Variants in KDM3A observed in about 807,000 individuals in gnomAD.
KDM3A encodes the protein lysine demethylase 3A.
In KDM3A, 60 loss-of-function variants were observed where a neutral mutation model predicts 158.0. The ratio of observed to expected loss-of-function variants is 0.38; its 90% confidence interval spans 0.31 to 0.47. The LOEUF (loss-of-function observed/expected upper bound fraction) is 0.47, where lower values mean the gene tolerates loss of function less well. Ranked by LOEUF, KDM3A falls within the 20% of genes least tolerant of loss-of-function variation. The probability of loss-of-function intolerance (pLI) is 0.99; values close to 1 mark genes in which losing one functional copy is unlikely to be tolerated. For missense variants in KDM3A, 1,319 were observed against 1,574.3 expected, an observed-to-expected ratio of 0.84 and a Z score of 2.74; for synonymous variants, 608 against 549.3, an observed-to-expected ratio of 1.11 and a Z score of -1.49.
intron 6 of KDM3A, 26 bp from the exon 7 acceptor site, chr2:86,456,779 G>A (rs755285937): frequency 3.8e-6 from 6 of 1,568,590 alleles, no homozygotes; most frequent in Admixed American, 1.7e-5. Flanking sequence ...TTATTTTCCG[G>A]TATCTTTGTT....
chr2:86,478,061 T>C, intron 13 of KDM3A, 32 bp downstream of exon 13: 1 of 1,613,644 alleles, frequency 6.2e-7, no homozygotes, highest in African/African-American at 1.3e-5. Flanking sequence ...CTCCAGCCCC[T>C]CTACACAGTT....
In KDM3A at chr2:86,457,036, AC is replaced by A; in HGVS notation, c.811del (p.Leu271TrpfsTer80). The A allele has an allele frequency of 6.3e-7, 1 of 1,594,476 alleles. No individual in the cohort carries two copies. Among genetic ancestry groups the A allele is most frequent in the Non-Finnish European group, 8.6e-7 (1 of 1,167,826 alleles). On this transcript the variant is annotated frameshift_variant, in exon 8 of 26. Transcript: ENST00000312912. LOFTEE classifies it high-confidence loss of function. Reference sequence around the variant, plus strand: ...ACGCAAGTCTTCTGAGAATAATGGAACCCTGGTTTCCAAACAAGCAAAATCT... The same window carrying A: ...ACGCAAGTCTTCTGAGAATAATGGAACCTGGTTTCCAAACAAGCAAAATCT... Reference protein sequence around the residue: ...VKRKSSENNGTLVSKQAKSCS... With the variant: ...VKRKSSENNGXLVSKQAKSCS...
Position 86,492,154 on chromosome 2 carries a change from T to A in KDM3A, c.*35T>A, listed in dbSNP as rs1452541703. ...ACATTGGAAATGAATTACAGGCAGC[T>A]GTTCAAACTCTTCAGGCAGGATTCC... On this transcript the variant is annotated 3_prime_UTR_variant, in exon 26 of 26. Transcript: ENST00000312912. 1.4e-6 allele frequency: 2 copies of A among 1,478,622 alleles called. No homozygotes were observed. The allele number at this position is 1,478,622 out of a possible 1,614,324, so 91.6% of individuals were successfully genotyped here. A position where few individuals can be genotyped will look rare whatever the true frequency, so the allele number is the denominator to read the frequency against.
chr2:86,450,779 T>C (rs766131522), intron 3 of KDM3A, among the ~76,000 whole-genome samples: 1 of 152,128 alleles, frequency 6.6e-6, no homozygotes, highest in Non-Finnish European at 1.5e-5. Context: ...TCCAGCTGTT[T>C]AGAACTGGTT....
intron 20 of KDM3A, 136 bp from the exon 21 acceptor site, chr2:86,485,593 A>T: frequency 1.0e-6 from 1 of 991,814 alleles, no homozygotes; most frequent in Non-Finnish European, 1.5e-6. Flanking sequence ...TTCTCATCTT[A>T]AATATTTGAT....
chr2:86,445,596 TAGC>T (rs1012289474), intron 2 of KDM3A, among the ~76,000 whole-genome samples: 6 of 152,320 alleles, frequency 3.9e-5, no homozygotes, highest in Admixed American at 2.0e-4. Context: ...CAGGTGTCCT[TAGC>T]AGGCAATTAG....
Position 86,482,713 on chromosome 2 carries a change from C to A in KDM3A, c.2922+19C>A. The A allele has an allele frequency of 6.2e-7, 1 of 1,611,168 alleles. No individual in the cohort carries two copies. The highest frequency in any genetic ancestry group is 1.3e-5 in the African/African-American group (1 of 75,028). On this transcript the variant is annotated intron_variant, in intron 18 of 25. Coordinates refer to ENST00000312912, the MANE Select transcript of KDM3A (RefSeq NM_018433.6). ...AGGGCAGGTAATGTAGGCCTCCCAT[C>A]CTCCTGCCCTATTCAGAACCCCCTT...
At chr2:86,455,953 C>CAAAA (rs574299612) in intron 5 of KDM3A, among the ~76,000 whole-genome samples, 7 of 56,128 alleles carry the variant, frequency 1.2e-4, no homozygotes, top group East Asian at 4.9e-4. Context: ...GACCCTGTCT[C>CAAAA]AAAAAAAAAA....
At chr2:86,445,560 C>G (rs145289111) in intron 2 of KDM3A, among the ~76,000 whole-genome samples, 1 of 152,088 alleles carries the variant, frequency 6.6e-6, no homozygotes, top group Non-Finnish European at 1.5e-5. Flanking sequence ...CTGTTTCTTG[C>G]GTCTAATGCC....
At chr2:86,490,654 C>T in intron 23 of KDM3A, 2 of 449,458 alleles carry the variant, frequency 4.4e-6, no homozygotes, top group Non-Finnish European at 7.9e-6. Context: ...TTATGCAGAG[C>T]CTGTCAGTCA....
chr2:86,441,099 T>TAGGCCTATGGC (rs1373622489), upstream of KDM3A: 1 of 152,196 alleles, frequency 6.6e-6, no homozygotes, highest in East Asian at 1.9e-4. Flanking sequence ...ATGGAAAGAA[T>TAGGCCTATGGC]AGGCCTATGG....
intron 8 of KDM3A, among the ~76,000 whole-genome samples, chr2:86,458,837 G>A (rs1427464118): frequency 6.6e-6 from 1 of 152,162 alleles, no homozygotes; most frequent in African/African-American, 2.4e-5. Context: ...GGGGTTTTAA[G>A]TTCAGGAGAT....
chr2:86,441,903 C>A, intron 1 of KDM3A, 115 bp from the exon 2 acceptor site: 1 of 764,458 alleles, frequency 1.3e-6, no homozygotes, highest in Non-Finnish European at 2.0e-6. Context: ...TGCGGGTCCG[C>A]CCGGGGCCGC....
rs1672373984 is a variant in KDM3A at position 86,449,976 on chromosome 2, G to A, written c.342+14G>A. 6 of 1,602,600 alleles carry A rather than the reference G, an allele frequency of 3.7e-6. No homozygotes were observed. Among genetic ancestry groups the A allele is most frequent in the Middle Eastern group, 1.7e-4 (1 of 6,016 alleles). On this transcript the variant is annotated intron_variant, in intron 3 of 25. Coordinates refer to ENST00000312912, the MANE Select transcript of KDM3A (RefSeq NM_018433.6). Reference sequence around the variant, plus strand: ...TGGCCTGCAATAGTGAGTAAAACTTGGGCTTATTGAACTCCTGAGAAGAGG... The same window carrying A: ...TGGCCTGCAATAGTGAGTAAAACTTAGGCTTATTGAACTCCTGAGAAGAGG...
chr2:86,453,607 G>A (rs1330254505), intron 4 of KDM3A, among the ~76,000 whole-genome samples: 2 of 152,082 alleles, frequency 1.3e-5, no homozygotes, highest in East Asian at 3.9e-4. Flanking sequence ...TCTTTCCATT[G>A]ATACATACTT....
At chr2:86,463,766 T>C (rs543586725) in intron 8 of KDM3A, among the ~76,000 whole-genome samples, 14 of 152,320 alleles carry the variant, frequency 9.2e-5, no homozygotes, top group Admixed American at 7.8e-4. Flanking sequence ...AGTAAAGTAA[T>C]TGCCACCTGA....
At chr2:86,447,715 G>T (rs986423410) in intron 2 of KDM3A, among the ~76,000 whole-genome samples, 3 of 151,992 alleles carry the variant, frequency 2.0e-5, no homozygotes, top group Non-Finnish European at 4.4e-5. Context: ...CTTAACCTGG[G>T]GTGCAAGTTA....
Position 86,490,919 on chromosome 2 carries a change from C to T in KDM3A, c.3612C>T (p.His1204=), listed in dbSNP as rs147714531. The part of the protein sequence containing the change: ...EEQGQENPAD[H]DPIHDQSWYL... Reference sequence around the variant, plus strand: ...AAGGTCAAGAAAACCCAGCAGACCACGATCCTATTCATGATCAAAGCTGGT... The same window carrying T: ...AAGGTCAAGAAAACCCAGCAGACCATGATCCTATTCATGATCAAAGCTGGT... The change falls in exon 24 of 26, where the codon CAC becomes CAT. Residue 1204 remains histidine (H), a synonymous_variant. Coordinates refer to ENST00000312912, the MANE Select transcript of KDM3A (RefSeq NM_018433.6). The T allele has an allele frequency of 4.3e-6, 7 of 1,613,354 alleles. No homozygotes were observed. Among genetic ancestry groups the T allele is most frequent in the Admixed American group, 1.7e-5 (1 of 59,898 alleles).
At chr2:86,441,029 G>C (rs1342054061), upstream of KDM3A, 2 of 152,312 alleles carry the variant, frequency 1.3e-5, no homozygotes. Flanking sequence ...TTTTCCTCCG[G>C]GCCCCAAAGT....
Sources: gnomAD v4.1 joint callset for allele counts (sites outside exome capture counted in the v4.1 genomes callset) on GRCh38, gnomAD v4.1.1 for gene constraint, MANE v1.5 for transcripts, NCBI Gene and HGNC (gene_info 2026-07-23, HGNC 2026-07-21) for gene names.